Variants in SLC24A2 observed in about 807,000 individuals in gnomAD.
The protein encoded by SLC24A2 is sodium/potassium/calcium exchanger 2.
In SLC24A2, 36 loss-of-function variants were observed where a neutral mutation model predicts 62.0. The observed-to-expected ratio is 0.58, with a 90% CI of 0.44 to 0.77. SLC24A2 has a LOEUF of 0.77. SLC24A2 is among the 30% of genes least tolerant of loss of function. SLC24A2 has a pLI of 0.00. For missense variants in SLC24A2, 846 were observed against 817.9 expected, an observed-to-expected ratio of 1.03 and a Z score of -0.42; for synonymous variants, 358 against 294.0, an observed-to-expected ratio of 1.22 and a Z score of -2.23.
the SLC24A2 span, among the ~76,000 whole-genome samples, chr9:20,221,799 G>A: frequency 6.6e-6 from 1 of 152,146 alleles, no homozygotes; most frequent in East Asian, 1.9e-4. Context: ...GGAAGTAACT[G>A]TCAACCTGCA....
chr9:20,247,955 G>T, the SLC24A2 span, among the ~76,000 whole-genome samples: 2 of 152,148 alleles, frequency 1.3e-5, no homozygotes, highest in Non-Finnish European at 2.9e-5. Context: ...CATACAAAGG[G>T]CTTAGAGCAT....
chr9:19,937,167 T>C, the SLC24A2 span, among the ~76,000 whole-genome samples: 1 of 152,198 alleles, frequency 6.6e-6, no homozygotes, highest in African/African-American at 2.4e-5. Flanking sequence ...AGAGCAATTA[T>C]AGAGGGACCC....
chr9:19,655,163 A>G (rs1434933530), intron 2 of SLC24A2, among the ~76,000 whole-genome samples: 6 of 152,238 alleles, frequency 3.9e-5, no homozygotes, highest in Admixed American at 3.9e-4. Context: ...GTATGGAAAA[A>G]TAAGTATCTA....
the SLC24A2 span, among the ~76,000 whole-genome samples, chr9:19,820,038 T>TAC: frequency 8.4e-3 from 905 of 107,178 alleles, 30 homozygotes; most frequent in African/African-American, 0.019. Context: ...CATATATATA[T>TAC]ATACATATAT....
At chr9:19,877,358 AGGCTAAACTATGGAGTTT>A in the SLC24A2 span, among the ~76,000 whole-genome samples, 1 of 140,628 alleles carries the variant, frequency 7.1e-6, no homozygotes, top group Admixed American at 7.0e-5. Flanking sequence ...TAGAATCTGT[AGGCTAAACTATGGAGTTT>A]GGCTCCATAG....
At chr9:19,902,396 C>T in the SLC24A2 span, among the ~76,000 whole-genome samples, 1 of 152,170 alleles carries the variant, frequency 6.6e-6, no homozygotes, top group African/African-American at 2.4e-5. Flanking sequence ...CTTATGCCTA[C>T]ACCTTACAAC....
chr9:19,848,060 G>A, the SLC24A2 span, among the ~76,000 whole-genome samples: 7 of 152,160 alleles, frequency 4.6e-5, no homozygotes, highest in Non-Finnish European at 1.0e-4. Flanking sequence ...ATTCTTGTAT[G>A]ATATCAGACT....
At chr9:19,934,338 T>C in the SLC24A2 span, among the ~76,000 whole-genome samples, 1 of 152,116 alleles carries the variant, frequency 6.6e-6, no homozygotes, top group Admixed American at 6.5e-5. This position sits in a 1 kb window ranked among gnomAD's most constrained non-coding sequence, Gnocchi z 4.1. Flanking sequence ...AGCAAACAGG[T>C]GGCTTCATGT....
At chr9:20,022,717 A>G in the SLC24A2 span, among the ~76,000 whole-genome samples, 2 of 152,230 alleles carry the variant, frequency 1.3e-5, no homozygotes, top group African/African-American at 4.8e-5. Context: ...ATGTTGGTTG[A>G]CTGTTATTAA....
At chr9:19,803,785 C>T in the SLC24A2 span, among the ~76,000 whole-genome samples, 1 of 151,994 alleles carries the variant, frequency 6.6e-6, no homozygotes, top group Admixed American at 6.6e-5. Context: ...GGAGATTATG[C>T]TATTGTTAGA....
chr9:19,910,624 G>T, the SLC24A2 span, among the ~76,000 whole-genome samples: 1 of 152,072 alleles, frequency 6.6e-6, no homozygotes, highest in Non-Finnish European at 1.5e-5. Context: ...TGCTTGGTAT[G>T]TGTATGTACT....
chr9:19,566,162 A>C (rs1246955145), intron 7 of SLC24A2, among the ~76,000 whole-genome samples: 1 of 151,824 alleles, frequency 6.6e-6, no homozygotes, highest in Non-Finnish European at 1.5e-5. Context: ...AGAAACTACC[A>C]TCAGAGTGAA....
At chr9:19,741,754 C>T (rs935544314) in intron 2 of SLC24A2, among the ~76,000 whole-genome samples, 6 of 152,146 alleles carry the variant, frequency 3.9e-5, no homozygotes, top group African/African-American at 1.4e-4. Context: ...TCTGTCCTTG[C>T]TGCCTGTGTG....
chr9:20,080,781 G>GA, the SLC24A2 span, among the ~76,000 whole-genome samples: 4 of 151,678 alleles, frequency 2.6e-5, no homozygotes, highest in Admixed American at 6.6e-5. Context: ...AAATTTACAA[G>GA]AAAAAAACAA....
At chr9:20,043,303 T>C in the SLC24A2 span, among the ~76,000 whole-genome samples, 2 of 152,340 alleles carry the variant, frequency 1.3e-5, no homozygotes, top group African/African-American at 4.8e-5. Context: ...TACAGAGTGA[T>C]GAATGTTGTT....
At chr9:20,238,353 A>G in the SLC24A2 span, among the ~76,000 whole-genome samples, 1 of 152,218 alleles carries the variant, frequency 6.6e-6, no homozygotes, top group Non-Finnish European at 1.5e-5. Context: ...CTTCACACAC[A>G]TAGGCTGAAA....
the SLC24A2 span, among the ~76,000 whole-genome samples, chr9:20,019,615 A>G: frequency 5.2e-4 from 79 of 152,238 alleles, 1 homozygote; most frequent in African/African-American, 1.5e-3. Flanking sequence ...AACCATAAAA[A>G]CTCTAGAAGA....
chr9:19,640,319 C>A (rs910746953), intron 2 of SLC24A2, among the ~76,000 whole-genome samples: 1 of 152,196 alleles, frequency 6.6e-6, no homozygotes, highest in Non-Finnish European at 1.5e-5. Flanking sequence ...TAAGTTGAAT[C>A]TTTATCTTTT....
the SLC24A2 span, among the ~76,000 whole-genome samples, chr9:20,160,788 C>T: frequency 6.6e-6 from 1 of 150,534 alleles, no homozygotes; most frequent in Non-Finnish European, 1.5e-5. Context: ...TAACCTTAAA[C>T]ATCTTGAATA....
Sources: gnomAD v4.1 joint callset for allele counts (sites outside exome capture counted in the v4.1 genomes callset) on GRCh38, gnomAD v4.1.1 for gene constraint, Gnocchi (gnomAD v3.1) non-coding constraint, MANE v1.5 for transcripts, NCBI Gene and HGNC (gene_info 2026-07-23, HGNC 2026-07-21) for gene names.